The following QSER1 variants were observed in gnomAD, a reference collection of about 807,000 sequenced individuals.
QSER1 encodes glutamine and serine-rich protein 1.
Under a neutral mutation model 158.5 loss-of-function variants are expected in QSER1, and 49 were observed. The ratio of observed to expected loss-of-function variants is 0.31; its 90% CI spans 0.25 to 0.39. The LOEUF is 0.39. Ranked by LOEUF, QSER1 falls within the 10% of genes least tolerant of loss-of-function variation. The pLI is 1.00. For synonymous variants in QSER1, 650 were observed against 715.5 expected, an observed-to-expected ratio of 0.91 and a Z score of 1.46; for missense variants, 1,754 against 2,010.3, an observed-to-expected ratio of 0.87 and a Z score of 2.44.
At chr11:32,910,407 A>G (rs1851751676) in intron 1 of QSER1, among the ~76,000 whole-genome samples, 1 of 152,180 alleles carries the variant, frequency 6.6e-6, no homozygotes, top group South Asian at 2.1e-4. Context: ...TGCCTTGCTC[A>G]TTGCCTGGTA....
chr11:32,961,270 CAT>C (rs1852619211), intron 8 of QSER1, among the ~76,000 whole-genome samples: 1 of 152,182 alleles, frequency 6.6e-6, no homozygotes, highest in African/African-American at 2.4e-5. Context: ...CTCAGATACT[CAT>C]AGATACTCCT....
intron 1 of QSER1, among the ~76,000 whole-genome samples, chr11:32,903,246 A>G (rs1398580004): frequency 6.6e-6 from 1 of 151,916 alleles, no homozygotes; most frequent in African/African-American, 2.4e-5. Context: ...GCCGTAGGGT[A>G]TGGGTAGTTC....
In QSER1 at chr11:32,933,752, T is replaced by C. The variant is rs1852092745; in HGVS notation, c.2494T>C (p.Ser832Pro). The change falls in exon 4 of 13, where the codon TCT becomes CCT. Residue 832 changes from serine to proline, a missense_variant. By Grantham distance (74) the Ser-to-Pro change is moderately conservative. Coordinates refer to ENST00000650167, the MANE Select transcript of QSER1 (RefSeq NM_001076786.3). ...EQHDQIINASSQIQIPNHALG... is the reference protein window; with the variant it reads ...EQHDQIINASPQIQIPNHALG... ...GCACGATCAAATAATTAATGCTTCA[T>C]CTCAGATTCAAATTCCAAATCATGC... is the stretch of plus-strand genomic sequence containing the variant. 2.5e-6 allele frequency: 4 copies of C among 1,614,002 alleles called. No homozygotes were observed. The Admixed American group carries it at 5.0e-5, about 20-fold the overall frequency.
In QSER1 at chr11:32,907,856, G is replaced by C. The variant is rs548641101; in HGVS notation, c.209+14522G>C. 2.0e-5 allele frequency among the ~76,000 whole-genome samples: 3 copies of C among 152,324 alleles called. No homozygotes were observed. The East Asian group carries it at 5.8e-4, about 29-fold the overall frequency. On this transcript the variant is annotated intron_variant, in intron 1 of 12. Transcript: ENST00000650167. ...CTCATGCCTGTAGTCCCAGCACTTTGGGAGGCCAAGGCAGGCACAGATCCC... is the reference window on the plus strand; with the variant it reads ...CTCATGCCTGTAGTCCCAGCACTTTCGGAGGCCAAGGCAGGCACAGATCCC...
intron 5 of QSER1, 84 bp from the exon 6 acceptor site, chr11:32,955,212 T>G: frequency 1.4e-6 from 1 of 736,430 alleles, no homozygotes; most frequent in Non-Finnish European, 2.3e-6. Flanking sequence ...GGGTAGGCCT[T>G]TCAGATTCCT....
At position 32,893,766 on chromosome 11, in the gene QSER1, T is replaced by C. The variant is rs879778408; in HGVS notation, c.209+432T>C. Among the ~76,000 whole-genome samples the C allele has an allele frequency of 3.3e-5, 5 of 151,884 alleles. No individual in the cohort carries two copies. The East Asian group carries it at 9.7e-4, about 30-fold the overall frequency. On this transcript the variant is annotated intron_variant, in intron 1 of 12. Transcript: ENST00000650167. The surrounding 1 kb of genome is among the most constrained non-coding windows in gnomAD (Gnocchi z 4.7). Reference sequence around the variant, plus strand: ...CAATGCGGTCTTGGGGACTCCGGCGTGTGAGGGTTGCGGAGGCGGGAGAGG... The same window carrying C: ...CAATGCGGTCTTGGGGACTCCGGCGCGTGAGGGTTGCGGAGGCGGGAGAGG...
At chr11:32,947,732 GT>G (rs1425540394) in intron 4 of QSER1, among the ~76,000 whole-genome samples, 1 of 152,136 alleles carries the variant, frequency 6.6e-6, no homozygotes, top group Non-Finnish European at 1.5e-5. Flanking sequence ...TGAGAAAGGT[GT>G]GTTAAAGTTT....
In QSER1 at chr11:32,979,283, C is replaced by T. The variant is rs1853032425; in HGVS notation, c.*2809C>T. The T allele has an allele frequency of 6.6e-6, 1 of 152,562 alleles. No homozygotes were observed. Among genetic ancestry groups the T allele is most frequent in the Admixed American group, 6.5e-5 (1 of 15,272 alleles). The allele number at this position is 152,562 out of a possible 1,614,324, so 9.5% of individuals were successfully genotyped here. On this transcript the variant is annotated 3_prime_UTR_variant, in exon 13 of 13. Coordinates refer to ENST00000650167, the MANE Select transcript of QSER1 (RefSeq NM_001076786.3). ...TAGGTAGAGTTAAAGAGGTAAAGCA[C>T]ATGTTGCCACAACCCAGGAAAGTAT... is the stretch of plus-strand genomic sequence containing the variant.
intron 1 of QSER1, among the ~76,000 whole-genome samples, chr11:32,906,594 T>A (rs905838053): frequency 1.3e-5 from 2 of 152,006 alleles, no homozygotes; most frequent in African/African-American, 4.8e-5. Flanking sequence ...TTTTGTTCAT[T>A]GTAGAGATGG....
chr11:32,966,214 C>T, intron 8 of QSER1, 86 bp from the exon 9 acceptor site: 1 of 1,399,518 alleles, frequency 7.1e-7, no homozygotes, highest in African/African-American at 1.4e-5. Flanking sequence ...TATCTGCAAT[C>T]TGCTTCTAGG....
At chr11:32,966,595 C>T (rs1048982590) in intron 9 of QSER1, among the ~76,000 whole-genome samples, 158 bp downstream of exon 9, 1 of 152,184 alleles carries the variant, frequency 6.6e-6, no homozygotes, top group African/African-American at 2.4e-5. Flanking sequence ...ATGGTCATAT[C>T]TTTTCATGCA....
At chr11:32,907,137 A>G (rs897222951) in intron 1 of QSER1, among the ~76,000 whole-genome samples, 9 of 152,222 alleles carry the variant, frequency 5.9e-5, no homozygotes, top group African/African-American at 1.9e-4. Flanking sequence ...ATTTGTGGAC[A>G]TTTCCTTAGG....
intron 8 of QSER1, among the ~76,000 whole-genome samples, chr11:32,964,775 C>T (rs1047708642): frequency 2.8e-5 from 4 of 143,866 alleles, no homozygotes; most frequent in South Asian, 4.3e-4. Flanking sequence ...CACACACACA[C>T]ACACACATAC....
At chr11:32,956,667 C>G (rs1257203080) in intron 7 of QSER1, among the ~76,000 whole-genome samples, 2 of 152,172 alleles carry the variant, frequency 1.3e-5, no homozygotes, top group Non-Finnish European at 2.9e-5. Flanking sequence ...GATGTTCTTA[C>G]TCCAGTGCCA....
chr11:32,900,247 C>T (rs1851607346), intron 1 of QSER1, among the ~76,000 whole-genome samples: 1 of 152,138 alleles, frequency 6.6e-6, no homozygotes, highest in South Asian at 2.1e-4. Context: ...TGCTTAGAAC[C>T]TTCCAGTGTT....
rs1256855611 is a variant in QSER1 at position 32,934,418 on chromosome 11, C to G, written c.3160C>G (p.Gln1054Glu). The G allele has an allele frequency of 6.2e-7, 1 of 1,613,766 alleles. No individual in the cohort carries two copies. The highest frequency in any genetic ancestry group is 1.1e-5 in the South Asian group (1 of 91,022). Residue 1054 changes from glutamine (Q) to glutamate (E), a missense_variant, in exon 4 of 13, where the codon CAG (glutamine) becomes GAG (glutamate). By Grantham distance (29) the Gln-to-Glu change is conservative (BLOSUM62 2). This residue lies in a region of QSER1 where 1,707 missense variants were observed against 1,919.6 expected (regional missense o/e 0.89). Transcript: ENST00000650167. ...NINDTSLNGN[Q>E]VTVNLSPVPA... ...AAATGATACTTCCTTAAATGGAAAT[C>G]AGGTTACTGTGAACCTTTCACCAGT...
chr11:32,946,879 G>A (rs1351563752), intron 4 of QSER1, among the ~76,000 whole-genome samples: 3 of 152,122 alleles, frequency 2.0e-5, no homozygotes, highest in Non-Finnish European at 2.9e-5. Flanking sequence ...AGCAATCAGC[G>A]AGACTCCGTG....
chr11:32,952,287 G>A (rs539122096), intron 4 of QSER1, among the ~76,000 whole-genome samples: 2 of 152,302 alleles, frequency 1.3e-5, no homozygotes, highest in Non-Finnish European at 2.9e-5. Context: ...CTGTAAAGCT[G>A]GGGAAGTTCC....
chr11:32,931,973 C>A lies in QSER1; in HGVS notation c.715C>A (p.Pro239Thr), dbSNP rs200687979. The A allele has an allele frequency of 1.3e-4, 209 of 1,614,070 alleles. No individual in the cohort carries two copies. Among genetic ancestry groups the A allele is most frequent in the Non-Finnish European group, 1.3e-4 (151 of 1,180,022 alleles). Residue 239 changes from proline (P) to threonine (T), a missense_variant, in exon 4 of 13, where the codon CCA becomes ACA. Physicochemically the swap from Pro to Thr is conservative, Grantham distance 38. Transcript: ENST00000650167. The part of the protein sequence containing the change: ...LQIKTSQGTV[P>T]TALAFERLGS... ...AATCAAGACTTCCCAGGGAACTGTT[C>A]CAACTGCTTTGGCATTTGAGCGCCT...
Sources: allele counts gnomAD v4.1 joint callset (sites outside exome capture counted in the v4.1 genomes callset), GRCh38; gene constraint gnomAD v4.1.1; regional missense constraint gnomAD v4.1.1; non-coding constraint Gnocchi (gnomAD v3.1); transcripts MANE v1.5; gene names NCBI Gene and HGNC (gene_info 2026-07-23, HGNC 2026-07-21).